The following SEMA6A variants were observed in gnomAD, a reference collection of about 807,000 sequenced individuals.
SEMA6A encodes the protein semaphorin-6A.
A neutral mutation model predicts 96.8 loss-of-function variants in SEMA6A; 25 were observed. The observed-to-expected ratio is 0.26, with a 90% CI of 0.19 to 0.36. The LOEUF (loss-of-function observed/expected upper bound fraction) is 0.36, where lower values mean the gene tolerates loss of function less well. SEMA6A is among the 10% of genes least tolerant of loss of function. The pLI is 1.00. For missense variants in SEMA6A, 1,363 were observed against 1,323.1 expected (o/e 1.03, Z -0.47); for synonymous variants, 612 against 518.0 (o/e 1.18, Z -2.46).
At chr5:116,501,717 G>A (rs532533492) in intron 3 of SEMA6A, among the ~76,000 whole-genome samples, 1 of 152,242 alleles carries the variant, frequency 6.6e-6, no homozygotes, top group Admixed American at 6.5e-5. Flanking sequence ...GTGAAACCCT[G>A]TCTCTACTAA....
intron 17 of SEMA6A, chr5:116,471,624 T>A (rs1476154924): frequency 6.6e-6 from 1 of 152,182 alleles, no homozygotes; most frequent in African/African-American, 2.4e-5. Flanking sequence ...CAATCATAGA[T>A]GAGGGAACAT....
intron 1 of SEMA6A, among the ~76,000 whole-genome samples, chr5:116,572,056 T>C (rs940297383): frequency 1.3e-5 from 2 of 152,144 alleles, no homozygotes; most frequent in African/African-American, 4.8e-5. Flanking sequence ...ATTTCAGGAC[T>C]AAAGAAAGAC....
At chr5:116,451,238 T>C (rs2112587176) in intron 18 of SEMA6A, among the ~76,000 whole-genome samples, 1 of 152,340 alleles carries the variant, frequency 6.6e-6, no homozygotes, top group Admixed American at 6.5e-5. Flanking sequence ...TGTAGTTTGC[T>C]GGACAAATCT....
intron 3 of SEMA6A, among the ~76,000 whole-genome samples, chr5:116,499,591 TG>T (rs1757776065): frequency 6.6e-6 from 1 of 152,178 alleles, no homozygotes; most frequent in African/African-American, 2.4e-5. Context: ...CTAAATATGG[TG>T]GGCATGGAAC....
chr5:116,480,183 G>A lies in SEMA6A; in HGVS notation c.1189C>T (p.Leu397Phe), dbSNP rs1018702057. The A allele has an allele frequency of 3.1e-6, 5 of 1,613,768 alleles. 1 individual carries two copies. The Admixed American group carries it at 5.0e-5, about 16-fold the overall frequency. ...DTLNFIKTHP[L>F]MDEAVPSIFN... ...ATGGAGGGCACTGCCTCATCCATGA[G>A]CGGGTGCGTCTTGATGAAGTTCAGG... Residue 397 changes from leucine (L) to phenylalanine (F), a missense_variant, in exon 12 of 19, where the codon CTC (leucine) becomes TTC (phenylalanine). Leu to Phe is a conservative substitution (Grantham distance 22). Around this residue, in one of 2 missense-constraint regions of SEMA6A, gnomAD observed 480 missense variants for 559.5 expected, o/e 0.86. Transcript: ENST00000343348.
chr5:116,505,451 ACGCACGCG>A (rs781590407), intron 1 of SEMA6A, among the ~76,000 whole-genome samples: 73 of 142,334 alleles, frequency 5.1e-4, no homozygotes, highest in South Asian at 9.0e-4. Context: ...ACACAGACAC[ACGCACGCG>A]CACACACACA....
At chr5:116,549,415 C>T (rs887910759) in intron 1 of SEMA6A, among the ~76,000 whole-genome samples, 1 of 152,106 alleles carries the variant, frequency 6.6e-6, no homozygotes, top group African/African-American at 2.4e-5. Context: ...ATAAAGCCCT[C>T]ATGGATTTGG....
chr5:116,479,293 T>G (rs1428122149), intron 12 of SEMA6A, among the ~76,000 whole-genome samples: 1 of 152,194 alleles, frequency 6.6e-6, no homozygotes, highest in Non-Finnish European at 1.5e-5. Flanking sequence ...ATACCTGGGA[T>G]AAGTCCTACT....
At chr5:116,450,307 G>A (rs1754542103) in intron 18 of SEMA6A, among the ~76,000 whole-genome samples, 1 of 152,068 alleles carries the variant, frequency 6.6e-6, no homozygotes, top group Non-Finnish European at 1.5e-5. Flanking sequence ...AACCCTTCCA[G>A]GCTACCAAAT....
intron 18 of SEMA6A, among the ~76,000 whole-genome samples, chr5:116,451,766 C>T (rs918014277): frequency 6.6e-6 from 1 of 151,972 alleles, no homozygotes; most frequent in African/African-American, 2.4e-5. Context: ...ATTCTATCTC[C>T]AATCATATAA....
chr5:116,554,508 T>G (rs895524960), intron 1 of SEMA6A, among the ~76,000 whole-genome samples: 8 of 152,200 alleles, frequency 5.3e-5, no homozygotes, highest in African/African-American at 1.9e-4. Context: ...TACACACATT[T>G]ATTTGGAGGG....
intron 1 of SEMA6A, among the ~76,000 whole-genome samples, chr5:116,516,941 T>C (rs1303172056): frequency 6.6e-6 from 1 of 151,576 alleles, no homozygotes; most frequent in Non-Finnish European, 1.5e-5. Context: ...GTGTTCATTG[T>C]TTTTGAAGTC....
chr5:116,532,932 G>C (rs574595299), intron 1 of SEMA6A, among the ~76,000 whole-genome samples: 1 of 152,272 alleles, frequency 6.6e-6, no homozygotes, highest in Non-Finnish European at 1.5e-5. Flanking sequence ...GAGATGACAG[G>C]TGTAAACAGT....
intron 1 of SEMA6A, among the ~76,000 whole-genome samples, chr5:116,507,821 T>G (rs1580452286): frequency 6.6e-6 from 1 of 152,198 alleles, no homozygotes. Context: ...CCTTTCACTC[T>G]CCTTAGCCTG....
chr5:116,482,612 C>G (rs1252110680), intron 10 of SEMA6A, 37 bp from the exon 11 acceptor site: 1 of 1,610,274 alleles, frequency 6.2e-7, no homozygotes, highest in Non-Finnish European at 8.5e-7. Flanking sequence ...GTTACTCATG[C>G]AATGGTTATG....
chr5:116,472,878 A>G, intron 17 of SEMA6A, 195 bp downstream of exon 17: 1 of 1,494,964 alleles, frequency 6.7e-7, no homozygotes, highest in Admixed American at 2.6e-5. Context: ...AAAATCCGTA[A>G]ACTGACCATA....
Position 116,444,180 on chromosome 5 carries a change from G to T in SEMA6A, c.*2433C>A, listed in dbSNP as rs1754047973. On this transcript the variant is annotated 3_prime_UTR_variant, in exon 19 of 19. Transcript: ENST00000343348. ...TTCAGGTTCTAGGAAATACTTCAGG[G>T]TTTCAGGAGACAGAGTTCACAGGAT... is the stretch of plus-strand genomic sequence containing the variant. The T allele has an allele frequency of 6.6e-6, 1 of 151,598 alleles. No homozygotes were observed. Among genetic ancestry groups the T allele is most frequent in the Non-Finnish European group, 1.5e-5 (1 of 67,952 alleles). The allele number at this position is 151,598 out of a possible 1,614,324, so 9.4% of individuals were successfully genotyped here.
chr5:116,477,857 T>G lies in SEMA6A; in HGVS notation c.1638A>C (p.Ser546=). Residue 546 remains serine, a synonymous_variant, in exon 15 of 19, where the codon TCA becomes TCC. Coordinates refer to ENST00000343348, the MANE Select transcript of SEMA6A (RefSeq NM_020796.5). ...CTCAGGCTGCCTACCTGCTGTTGGG[T>G]GATAAATGGCTGCAGGCACCACCTT... ...IKEGGACSHL[S]PNSRLTFEQD... is the part of the protein sequence containing the mutation. 6.2e-7 allele frequency: 1 copy of G among 1,613,776 alleles called. No homozygotes were observed. Among genetic ancestry groups the G allele is most frequent in the Non-Finnish European group, 8.5e-7 (1 of 1,179,836 alleles).
chr5:116,550,472 A>C (rs986330335), intron 1 of SEMA6A: 1 of 152,204 alleles, frequency 6.6e-6, no homozygotes, highest in African/African-American at 2.4e-5. Context: ...TGAGGGCTGG[A>C]AACTTTGCCT....
Sources: gnomAD v4.1 joint callset for allele counts (sites outside exome capture counted in the v4.1 genomes callset) on GRCh38, gnomAD v4.1.1 for gene constraint, gnomAD v4.1.1 regional missense constraint, MANE v1.5 for transcripts, NCBI Gene and HGNC (gene_info 2026-07-23, HGNC 2026-07-21) for gene names.